Variants in UGT1A9 observed in about 807,000 individuals in gnomAD.
UGT1A9 encodes UDP-glucuronosyltransferase 1A9.
UGT1A9 carries 35 observed loss-of-function variants against 45.0 expected under a neutral mutation model. The observed-to-expected ratio is 0.78, with a 90% CI of 0.59 to 1.03. UGT1A9 has a LOEUF of 1.03. Ranked by LOEUF, UGT1A9 falls within the 50% of genes least tolerant of loss-of-function variation. UGT1A9 has a pLI of 0.00. For synonymous variants in UGT1A9, 278 were observed against 250.6 expected, an observed-to-expected ratio of 1.11 and a Z score of -1.03; for missense variants, 687 against 666.6, an observed-to-expected ratio of 1.03 and a Z score of -0.34.
At chr2:233,730,406 G>A (rs538447912) in intron 1 of UGT1A9, among the ~76,000 whole-genome samples, 13 of 152,316 alleles carry the variant, frequency 8.5e-5, no homozygotes, top group African/African-American at 3.1e-4. Flanking sequence ...AATTACAATT[G>A]TTGACATGAT....
At chr2:233,743,741 G>A (rs374389189) in intron 1 of UGT1A9, 31 of 1,367,230 alleles carry the variant, frequency 2.3e-5, no homozygotes, top group Admixed American at 3.8e-5. Flanking sequence ...GCGTTTCTTG[G>A]CGTCCGACAA....
chr2:233,722,557 T>C (rs910752040), intron 1 of UGT1A9, among the ~76,000 whole-genome samples: 1 of 152,244 alleles, frequency 6.6e-6, no homozygotes, highest in Non-Finnish European at 1.5e-5. Flanking sequence ...TTTTGGTTGA[T>C]TTGTAGCTGC....
intron 1 of UGT1A9, among the ~76,000 whole-genome samples, chr2:233,734,585 A>G (rs1334930397): frequency 1.3e-5 from 2 of 151,422 alleles, no homozygotes; most frequent in African/African-American, 4.9e-5. Context: ...TTGCTTATCT[A>G]GTTCTTTTAT....
chr2:233,731,474 C>T (rs1441120863), intron 1 of UGT1A9, among the ~76,000 whole-genome samples: 3 of 152,238 alleles, frequency 2.0e-5, no homozygotes, highest in Middle Eastern at 3.4e-3. Context: ...TGTGATGTTC[C>T]CTGGCCTGTG....
At chr2:233,688,964 A>T (rs562862783) in intron 1 of UGT1A9, among the ~76,000 whole-genome samples, 1 of 152,182 alleles carries the variant, frequency 6.6e-6, no homozygotes, top group African/African-American at 2.4e-5. Context: ...TTGGAATCAT[A>T]GCATGTTCTT....
In UGT1A9 at chr2:233,768,537, T is replaced by C; in HGVS notation, c.1295+98T>C. ...TTACGTAGCATTTAATAGCGTTGTT[T>C]CAAATATAAAAACAAATACATAAAA... On this transcript the variant is annotated intron_variant, in intron 4 of 4. Transcript: ENST00000354728. 2.0e-6 allele frequency: 3 copies of C among 1,499,906 alleles called. No individual in the cohort carries two copies. The South Asian group carries it at 4.0e-5, about 20-fold the overall frequency. The allele number at this position is 1,499,906 out of a possible 1,614,324, so 92.9% of individuals were successfully genotyped here.
chr2:233,678,440 G>A (rs2074417230), intron 1 of UGT1A9, among the ~76,000 whole-genome samples: 1 of 152,206 alleles, frequency 6.6e-6, no homozygotes, highest in Admixed American at 6.5e-5. Context: ...AGGCAGAAGA[G>A]GTAGAGGAGG....
chr2:233,765,615 G>A (rs958268372), intron 1 of UGT1A9, among the ~76,000 whole-genome samples: 44 of 151,894 alleles, frequency 2.9e-4, no homozygotes, highest in African/African-American at 1.0e-3. Flanking sequence ...GCGGGGTGAG[G>A]GGTGAGGGGA....
At chr2:233,696,744 T>C (rs1490233452) in intron 1 of UGT1A9, among the ~76,000 whole-genome samples, 1 of 152,200 alleles carries the variant, frequency 6.6e-6, no homozygotes, top group African/African-American at 2.4e-5. Context: ...CTTTTCAGTA[T>C]GATGTTAGCT....
chr2:233,772,112 C>A, intron 4 of UGT1A9, 150 bp from the exon 5 acceptor site: 1 of 1,527,992 alleles, frequency 6.5e-7, no homozygotes, highest in South Asian at 1.2e-5. Context: ...GACTCTGTAT[C>A]TAAAAACAAC....
At chr2:233,704,368 C>G in intron 1 of UGT1A9, among the ~76,000 whole-genome samples, 1 of 150,424 alleles carries the variant, frequency 6.6e-6, no homozygotes, top group East Asian at 1.9e-4. Context: ...TGTTCTAGGG[C>G]TTAGCACATC....
At chr2:233,724,375 C>T (rs1318597710) in intron 1 of UGT1A9, among the ~76,000 whole-genome samples, 19 of 143,100 alleles carry the variant, frequency 1.3e-4, no homozygotes, top group South Asian at 7.3e-4. Context: ...GGGTGGCTGC[C>T]GGGCGGAGAC....
At chr2:233,742,134 C>A (rs1691883024) in intron 1 of UGT1A9, among the ~76,000 whole-genome samples, 1 of 151,870 alleles carries the variant, frequency 6.6e-6, no homozygotes, top group South Asian at 2.1e-4. Context: ...AGACCCTAAC[C>A]CAGCAGCGCT....
intron 1 of UGT1A9, chr2:233,719,040 T>C (rs1243491139): frequency 6.2e-7 from 1 of 1,614,170 alleles, no homozygotes; most frequent in South Asian, 1.1e-5. Flanking sequence ...AGAAGAGAAA[T>C]TTTTCACCCT....
intron 1 of UGT1A9, among the ~76,000 whole-genome samples, chr2:233,720,004 A>G (rs1304715933): frequency 2.6e-5 from 4 of 152,144 alleles, no homozygotes; most frequent in African/African-American, 9.7e-5. Flanking sequence ...TACATTCAGA[A>G]CTGATCCATC....
intron 1 of UGT1A9, among the ~76,000 whole-genome samples, chr2:233,746,350 C>T (rs1287151444): frequency 6.6e-6 from 1 of 151,744 alleles, no homozygotes; most frequent in Non-Finnish European, 1.5e-5. Flanking sequence ...GTTTATGTTG[C>T]TCCTTTAGTA....
At chr2:233,767,269 G>C (rs1288837009) in intron 2 of UGT1A9, 104 bp downstream of exon 2, 10 of 1,582,566 alleles carry the variant, frequency 6.3e-6, no homozygotes, top group Non-Finnish European at 8.5e-7. Flanking sequence ...CTTAGATTTG[G>C]CTTTTCCCTG....
rs559478312 is a variant in UGT1A9, at chr2:233,674,947, A to G, written c.855+2158A>G. ...CTGGGAAAAGCATGCAGTTGGTTAC[A>G]TCTTGCTGGGAAACAGGATTCAGAG... is the stretch of plus-strand genomic sequence containing the variant. On this transcript the variant is annotated intron_variant, in intron 1 of 4. Coordinates refer to ENST00000354728, the MANE Select transcript of UGT1A9 (RefSeq NM_021027.3). Among the ~76,000 whole-genome samples, 3 of 152,318 alleles carry G rather than the reference A, an allele frequency of 2.0e-5. No individual in the cohort carries two copies. In the East Asian group the frequency reaches 5.8e-4, roughly 29 times the overall value.
intron 1 of UGT1A9, among the ~76,000 whole-genome samples, chr2:233,676,496 A>C (rs1032547787): frequency 6.6e-6 from 1 of 152,214 alleles, no homozygotes; most frequent in Non-Finnish European, 1.5e-5. Context: ...TGATGAGCTA[A>C]AAGCTAAAGT....
Sources: gnomAD v4.1 joint callset for allele counts (sites outside exome capture counted in the v4.1 genomes callset) on GRCh38, gnomAD v4.1.1 for gene constraint, MANE v1.5 for transcripts, NCBI Gene and HGNC (gene_info 2026-07-23, HGNC 2026-07-21) for gene names.